FSTL4: variants seen among roughly 807,000 people sequenced by gnomAD.
The protein encoded by FSTL4 is follistatin like 4.
A neutral mutation model predicts 78.2 loss-of-function variants in FSTL4; 28 were observed. The observed-to-expected ratio is 0.36, with a 90% CI of 0.27 to 0.49. FSTL4 has a LOEUF of 0.49. Ranked by LOEUF, FSTL4 falls within the 20% of genes least tolerant of loss-of-function variation. The pLI, the probability that FSTL4 is intolerant of heterozygous loss-of-function variation, is 0.98. For synonymous variants in FSTL4, 422 were observed against 440.5 expected (o/e 0.96, Z 0.53); for missense variants, 922 against 1,084.9 (o/e 0.85, Z 2.11).
intron 3 of FSTL4, among the ~76,000 whole-genome samples, chr5:133,407,115 C>T: frequency 6.6e-6 from 1 of 152,226 alleles, no homozygotes; most frequent in East Asian, 1.9e-4. Flanking sequence ...TCCTCACCCA[C>T]CTCAGGGACA....
chr5:133,284,082 A>G (rs988768286), intron 6 of FSTL4, among the ~76,000 whole-genome samples: 2 of 152,224 alleles, frequency 1.3e-5, no homozygotes, highest in Admixed American at 1.3e-4. Flanking sequence ...ACAATTCAAC[A>G]TGAGATTTGG....
intron 3 of FSTL4, among the ~76,000 whole-genome samples, chr5:133,500,226 T>C (rs1268168077): frequency 6.6e-6 from 1 of 152,160 alleles, no homozygotes; most frequent in Non-Finnish European, 1.5e-5. Flanking sequence ...GATCCTTGAG[T>C]GTCCCTGGAA....
chr5:133,294,822 A>G (rs1753351062), intron 6 of FSTL4, among the ~76,000 whole-genome samples: 1 of 152,030 alleles, frequency 6.6e-6, no homozygotes, highest in African/African-American at 2.4e-5. Context: ...ACCTGTGGTG[A>G]TGTTGCTTCC....
intron 3 of FSTL4, among the ~76,000 whole-genome samples, chr5:133,461,539 C>A (rs1394289475): frequency 7.6e-6 from 1 of 132,430 alleles, no homozygotes; most frequent in Non-Finnish European, 1.6e-5. Context: ...GATTTTTACT[C>A]CCTAAACAAA....
chr5:133,329,388 AAG>A (rs201632873), intron 4 of FSTL4, among the ~76,000 whole-genome samples: 12 of 151,706 alleles, frequency 7.9e-5, no homozygotes, highest in African/African-American at 2.7e-4. Flanking sequence ...CAGAACTCAA[AAG>A]AGAGAGAGAG....
intron 3 of FSTL4, among the ~76,000 whole-genome samples, chr5:133,437,638 C>T (rs1251812285): frequency 2.0e-5 from 3 of 151,786 alleles, no homozygotes; most frequent in African/African-American, 4.8e-5. Context: ...TACAGTTGCT[C>T]GCCACCACAC....
Position 133,255,357 on chromosome 5 carries a change from C to A in FSTL4, c.728-5781G>T, listed in dbSNP as rs1022400856. ...TGCTATGAGAACTGACATTGGAGAG[C>A]TGCTCTGCAAGTAGGGAATCTGAGG... On this transcript the variant is annotated intron_variant, in intron 6 of 15. Transcript: ENST00000265342. Among the ~76,000 whole-genome samples the A allele has an allele frequency of 3.9e-5, 6 of 152,226 alleles. No homozygotes were observed. The South Asian group carries it at 1.2e-3, about 31-fold the overall frequency.
At position 133,264,115 on chromosome 5, in the gene FSTL4, G is replaced by T. The variant is rs183045738; in HGVS notation, c.728-14539C>A. On this transcript the variant is annotated intron_variant, in intron 6 of 15. Transcript: ENST00000265342. ...GGTGGTTTCTTACTGGCATCTGGTG[G>T]ACGCAGCCTGAGGATGCCATGGAAC... Among the ~76,000 whole-genome samples, 201 of 152,224 alleles carry T rather than the reference G, an allele frequency of 1.3e-3. 2 individuals carry two copies. The highest frequency in any genetic ancestry group is 4.7e-3 in the African/African-American group (197 of 41,514).
chr5:133,437,927 T>C (rs74948774), intron 3 of FSTL4, among the ~76,000 whole-genome samples: 1 of 152,168 alleles, frequency 6.6e-6, no homozygotes, highest in African/African-American at 2.4e-5. Flanking sequence ...CCTTTTATTA[T>C]TATTATTGTC....
intron 6 of FSTL4, chr5:133,252,199 T>C (rs747916555): frequency 2.6e-5 from 4 of 152,204 alleles, no homozygotes; most frequent in African/African-American, 4.8e-5. Flanking sequence ...TTTTCTCCCA[T>C]TGGGGTGAGG....
intron 3 of FSTL4, among the ~76,000 whole-genome samples, chr5:133,421,316 G>C (rs34442238): frequency 0.049 from 7,434 of 152,334 alleles, 369 homozygotes; most frequent in Admixed American, 0.14. Flanking sequence ...GATGTTGTCT[G>C]TCTGTAGAGG....
At chr5:133,724,446 C>T in the FSTL4 span, among the ~76,000 whole-genome samples, 1 of 117,452 alleles carries the variant, frequency 8.5e-6, no homozygotes, top group Admixed American at 1.3e-4. Flanking sequence ...CTCCTTCAGT[C>T]CTTTTGGTTG....
the FSTL4 span, among the ~76,000 whole-genome samples, chr5:133,822,040 A>G: frequency 6.6e-6 from 1 of 152,178 alleles, no homozygotes; most frequent in African/African-American, 2.4e-5. Context: ...AGTGACAAAG[A>G]TGACTTGCCT....
the FSTL4 span, among the ~76,000 whole-genome samples, chr5:133,743,520 G>A: frequency 6.6e-6 from 1 of 152,096 alleles, no homozygotes; most frequent in East Asian, 1.9e-4. Flanking sequence ...CTACCTGTAC[G>A]AAAAGATTGA....
the FSTL4 span, among the ~76,000 whole-genome samples, chr5:133,812,363 C>A: frequency 2.0e-5 from 3 of 152,152 alleles, no homozygotes; most frequent in African/African-American, 4.8e-5. Flanking sequence ...AATCGGAACC[C>A]CTTACCATGG....
chr5:133,702,205 A>G, the FSTL4 span, among the ~76,000 whole-genome samples: 1 of 152,258 alleles, frequency 6.6e-6, no homozygotes, highest in African/African-American at 2.4e-5. Flanking sequence ...TGCAAATGTC[A>G]TCACACATTC....
chr5:133,282,071 A>T lies in FSTL4; in HGVS notation c.727+30583T>A, dbSNP rs189857821. Among the ~76,000 whole-genome samples, 211 of 152,264 alleles carry T rather than the reference A, an allele frequency of 1.4e-3. No homozygotes were observed. In the South Asian group the frequency reaches 0.019, roughly 13 times the overall value. ...CCATGTAAGCTCTTGGGAATGGCGG[A>T]TGAGTGAGTCCAGGGGAGGCAGATG... On this transcript the variant is annotated intron_variant, in intron 6 of 15. Transcript: ENST00000265342.
the FSTL4 span, among the ~76,000 whole-genome samples, chr5:133,632,048 A>T: frequency 6.6e-6 from 1 of 152,164 alleles, no homozygotes; most frequent in Non-Finnish European, 1.5e-5. Flanking sequence ...CCTAATGTAG[A>T]TGAAGGTTTG....
At chr5:133,631,481 T>TA in the FSTL4 span, among the ~76,000 whole-genome samples, 119 of 152,182 alleles carry the variant, frequency 7.8e-4, 1 homozygote, top group Non-Finnish European at 1.4e-3. Flanking sequence ...TGGCGATCAT[T>TA]AAAAAGTCAG....
Sources: gnomAD v4.1 joint callset for allele counts (sites outside exome capture counted in the v4.1 genomes callset) on GRCh38, gnomAD v4.1.1 for gene constraint, MANE v1.5 for transcripts, NCBI Gene and HGNC (gene_info 2026-07-23, HGNC 2026-07-21) for gene names.